EVI5: variants seen among roughly 807,000 people sequenced by gnomAD.
The protein encoded by EVI5 is ecotropic viral integration site 5.
A neutral mutation model predicts 112.0 loss-of-function variants in EVI5; 73 were observed. The observed-to-expected ratio is 0.65, with a 90% CI of 0.54 to 0.79. EVI5 has a LOEUF of 0.79. Among genes scored for constraint, EVI5 ranks in the 30% least tolerant of loss-of-function variants. EVI5 has a pLI of 0.00. For synonymous variants in EVI5, 305 were observed against 319.9 expected (o/e 0.95, Z 0.50); for missense variants, 900 against 968.8 (o/e 0.93, Z 0.94).
chr1:92,689,441 C>T (rs925281335), intron 9 of EVI5, among the ~76,000 whole-genome samples: 4 of 152,128 alleles, frequency 2.6e-5, no homozygotes, highest in African/African-American at 9.7e-5. Context: ...TGGATCACTG[C>T]AGCCAGGACC....
chr1:92,601,349 C>G (rs1355982557), intron 18 of EVI5, among the ~76,000 whole-genome samples: 2 of 152,142 alleles, frequency 1.3e-5, no homozygotes, highest in African/African-American at 4.8e-5. Flanking sequence ...CTAACAATTC[C>G]ACTACTGGGT....
intron 6 of EVI5, 145 bp downstream of exon 6, chr1:92,697,715 C>T (rs975275868): frequency 4.4e-6 from 3 of 678,246 alleles, no homozygotes; most frequent in Admixed American, 2.9e-5. Context: ...GTACATTAAC[C>T]AACCAAAAAA....
chr1:92,575,083 T>C (rs908988935), intron 18 of EVI5, among the ~76,000 whole-genome samples: 4 of 152,230 alleles, frequency 2.6e-5, no homozygotes, highest in African/African-American at 9.6e-5. Flanking sequence ...TATAAAAGCA[T>C]CGAGTCCATT....
intron 19 of EVI5, among the ~76,000 whole-genome samples, chr1:92,518,527 T>G (rs542079081): frequency 1.3e-5 from 2 of 152,118 alleles, no homozygotes; most frequent in African/African-American, 4.8e-5. Flanking sequence ...ACCCAAGAAT[T>G]CAAAACACCT....
intron 2 of EVI5, among the ~76,000 whole-genome samples, chr1:92,719,161 T>C (rs575606000): frequency 3.9e-5 from 6 of 152,064 alleles, no homozygotes; most frequent in South Asian, 2.1e-4. Flanking sequence ...TTCCAATCAA[T>C]AGAAAAAGAG....
intron 14 of EVI5, among the ~76,000 whole-genome samples, chr1:92,633,132 G>GA (rs1260876528): frequency 3.9e-5 from 6 of 152,148 alleles, no homozygotes; most frequent in Non-Finnish European, 5.9e-5. Context: ...GTGTGCTGCT[G>GA]AAAGAATGTA....
chr1:92,697,750 T>C (rs1255630327), intron 6 of EVI5, 110 bp downstream of exon 6: 2 of 871,956 alleles, frequency 2.3e-6, no homozygotes, highest in Admixed American at 4.9e-5. Flanking sequence ...AAACACTTAC[T>C]TCTTCAAGTG....
At chr1:92,561,105 T>C (rs1668458129) in intron 19 of EVI5, among the ~76,000 whole-genome samples, 1 of 152,172 alleles carries the variant, frequency 6.6e-6, no homozygotes, top group Non-Finnish European at 1.5e-5. Context: ...TTCTTTTGCG[T>C]TGGCTGCTAA....
intron 9 of EVI5, among the ~76,000 whole-genome samples, chr1:92,686,537 C>T (rs936011975): frequency 1.2e-4 from 19 of 152,180 alleles, no homozygotes; most frequent in African/African-American, 4.6e-4. Context: ...GTTGGAAGTT[C>T]TGGCCAGGGC....
chr1:92,518,392 C>T (rs1660317406), intron 19 of EVI5, among the ~76,000 whole-genome samples: 1 of 152,106 alleles, frequency 6.6e-6, no homozygotes, highest in South Asian at 2.1e-4. Context: ...TTGAGACTCA[C>T]TAAGGAAATA....
At chr1:92,536,354 T>C (rs1012495630) in intron 19 of EVI5, among the ~76,000 whole-genome samples, 2 of 152,162 alleles carry the variant, frequency 1.3e-5, no homozygotes, top group African/African-American at 2.4e-5. Flanking sequence ...AAATGCAGTA[T>C]AGTTAATAAG....
intron 18 of EVI5, among the ~76,000 whole-genome samples, chr1:92,600,200 A>T (rs1028910457): frequency 6.6e-6 from 1 of 152,218 alleles, no homozygotes; most frequent in Admixed American, 6.5e-5. Context: ...CAAAACTGAG[A>T]AGCTGGGAAA....
At chr1:92,629,236 C>A (rs1012760531) in intron 14 of EVI5, among the ~76,000 whole-genome samples, 1 of 152,138 alleles carries the variant, frequency 6.6e-6, no homozygotes, top group Non-Finnish European at 1.5e-5. Flanking sequence ...TAGGAAGGAG[C>A]TTTCTAGCAA....
At chr1:92,535,456 C>CA (rs1425746077) in intron 19 of EVI5, among the ~76,000 whole-genome samples, 3 of 152,152 alleles carry the variant, frequency 2.0e-5, no homozygotes, top group Non-Finnish European at 4.4e-5. Flanking sequence ...GACACATGCA[C>CA]ACACATGTTT....
intron 18 of EVI5, 21 bp downstream of exon 18, chr1:92,605,286 T>C: frequency 6.7e-7 from 1 of 1,496,618 alleles, no homozygotes; most frequent in Non-Finnish European, 9.3e-7. Flanking sequence ...TTACATGTAC[T>C]TTATTATTTT....
At position 92,524,145 on chromosome 1, in the gene EVI5, T is replaced by TAA. The variant is rs113683851; in HGVS notation, c.2167-10177_2167-10176dup. ...AAAGAAACTGCCTGGGTTTATTATT[T>TAA]AAAAAAAAAAAAAAAAGATTCTTGA... On this transcript the variant is annotated intron_variant, in intron 19 of 19. Transcript: ENST00000684568. Among the ~76,000 whole-genome samples the TAA allele has an allele frequency of 6.0e-5, 8 of 133,812 alleles. No individual in the cohort carries two copies. In the South Asian group the frequency reaches 7.2e-4, roughly 12 times the overall value. 87.8% of individuals were successfully genotyped at this position (133,812 alleles called of 152,430 possible).
At position 92,698,583 on chromosome 1, in the gene EVI5, T is replaced by C. The variant is rs137901721; in HGVS notation, c.640-598A>G. On this transcript the variant is annotated intron_variant, in intron 5 of 19. Transcript: ENST00000684568. ...TCCTAAAATGGAATCACACTTGGCA[T>C]GCTCAAGAAACAGCAAATAGAGAAC... 8.4e-4 allele frequency among the ~76,000 whole-genome samples: 128 copies of C among 152,282 alleles called. 4 individuals carry two copies. The East Asian group carries it at 0.018, about 21-fold the overall frequency.
chr1:92,627,565 T>C (rs1050965081), intron 14 of EVI5, among the ~76,000 whole-genome samples: 2 of 152,218 alleles, frequency 1.3e-5, no homozygotes, highest in Non-Finnish European at 2.9e-5. Context: ...CTGGATCAAA[T>C]GGTACTTCTA....
chr1:92,759,936 T>TG (rs1374892295), intron 1 of EVI5, among the ~76,000 whole-genome samples: 1 of 149,812 alleles, frequency 6.7e-6, no homozygotes, highest in African/African-American at 2.4e-5. Flanking sequence ...TTTTGACTCT[T>TG]GGGAATCATG....
Sources: gnomAD v4.1 joint callset for allele counts (sites outside exome capture counted in the v4.1 genomes callset) on GRCh38, gnomAD v4.1.1 for gene constraint, MANE v1.5 for transcripts, NCBI Gene and HGNC (gene_info 2026-07-23, HGNC 2026-07-21) for gene names.